CHD7: variants seen among roughly 807,000 people sequenced by gnomAD.
The protein encoded by CHD7 is chromodomain helicase DNA binding protein 7.
In CHD7, 24 loss-of-function variants were observed where a neutral mutation model predicts 307.3. The observed-to-expected ratio is 0.08, with a 90% CI of 0.06 to 0.11. The LOEUF (loss-of-function observed/expected upper bound fraction) is 0.11, where lower values mean the gene tolerates loss of function less well. Among genes scored for constraint, CHD7 ranks in the 10% least tolerant of loss-of-function variants. CHD7 has a pLI of 1.00. For missense variants in CHD7, 3,106 were observed against 3,727.1 expected, an observed-to-expected ratio of 0.83 and a Z score of 4.34; for synonymous variants, 1,363 against 1,349.9, an observed-to-expected ratio of 1.01 and a Z score of -0.21.
At chr8:60,858,669 G>A (rs564168736) in intron 34 of CHD7, among the ~76,000 whole-genome samples, 29 of 152,272 alleles carry the variant, frequency 1.9e-4, no homozygotes, top group African/African-American at 4.3e-4. Context: ...GCACAATGGC[G>A]CAGTCTCGGC....
chr8:60,781,630 G>C (rs1481360513), intron 3 of CHD7, among the ~76,000 whole-genome samples, 200 bp downstream of exon 3: 1 of 152,068 alleles, frequency 6.6e-6, no homozygotes, highest in East Asian at 1.9e-4. Flanking sequence ...GTGAACTGTT[G>C]ATTTACAGAC....
chr8:60,738,149 A>G (rs1808800420), intron 1 of CHD7, among the ~76,000 whole-genome samples: 1 of 152,236 alleles, frequency 6.6e-6, no homozygotes, highest in Non-Finnish European at 1.5e-5. Flanking sequence ...TATGGAAGCC[A>G]CAGCCCCATA....
At chr8:60,774,262 A>T (rs1810846177) in intron 2 of CHD7, among the ~76,000 whole-genome samples, 1 of 152,188 alleles carries the variant, frequency 6.6e-6, no homozygotes, top group African/African-American at 2.4e-5. Context: ...GGGTAAATTA[A>T]TCTTAAGGTT....
At chr8:60,700,184 A>G (rs1262192030) in intron 1 of CHD7, among the ~76,000 whole-genome samples, 2 of 152,130 alleles carry the variant, frequency 1.3e-5, no homozygotes, top group Non-Finnish European at 2.9e-5. Flanking sequence ...AAACAACCAA[A>G]TTTTAGAAGA....
intron 15 of CHD7, among the ~76,000 whole-genome samples, chr8:60,834,461 G>T (rs536420679): frequency 1.3e-5 from 2 of 152,172 alleles, no homozygotes; most frequent in East Asian, 3.9e-4. Flanking sequence ...TCTCTTGAGG[G>T]GCTTGTCCTG....
chr8:60,864,751 A>AATGTAC, intron 37 of CHD7: 1 of 459,310 alleles, frequency 2.2e-6, no homozygotes, highest in South Asian at 2.7e-5. Flanking sequence ...CTGATGTATG[A>AATGTAC]TTTCTTGAGT....
rs893875066 is a variant in CHD7, at chr8:60,860,964, A to G, written c.7669A>G (p.Ile2557Val). 1 of 1,614,048 alleles carries G rather than the reference A, an allele frequency of 6.2e-7. No individual in the cohort carries two copies. The highest frequency in any genetic ancestry group is 1.1e-5 in the South Asian group (1 of 91,092). ...EDIETPPTRN[I>V]PSPGQLDPDT... ...TATAGAGACCCCACCAACAAGAAAC[A>G]TTCCTTCTCCCGGACAGCTGGACCC... The change falls in exon 35 of 38, where the codon ATT (isoleucine) becomes GTT (valine). Residue 2557 changes from isoleucine to valine, a missense_variant. Ile to Val is a conservative substitution (Grantham distance 29). Coordinates refer to ENST00000423902, the MANE Select transcript of CHD7 (RefSeq NM_017780.4).
At chr8:60,831,571 A>G (rs144294691) in intron 15 of CHD7, among the ~76,000 whole-genome samples, 2 of 152,096 alleles carry the variant, frequency 1.3e-5, no homozygotes, top group African/African-American at 4.8e-5. Context: ...TGAGCTGAGC[A>G]TTGATTAGAA....
chr8:60,702,590 G>A (rs879547503), intron 1 of CHD7, among the ~76,000 whole-genome samples: 7 of 152,170 alleles, frequency 4.6e-5, no homozygotes, highest in Admixed American at 1.3e-4. Context: ...ACTTAAAAAC[G>A]AAATCTCTTA....
intron 1 of CHD7, among the ~76,000 whole-genome samples, chr8:60,714,152 A>G (rs531158471): frequency 1.3e-5 from 2 of 151,958 alleles, no homozygotes; most frequent in African/African-American, 2.4e-5. Context: ...AGCCCGCGCG[A>G]GGACATGAGG....
intron 2 of CHD7, among the ~76,000 whole-genome samples, chr8:60,746,117 T>A (rs1173916837): frequency 6.6e-6 from 1 of 152,238 alleles, no homozygotes; most frequent in Non-Finnish European, 1.5e-5. Flanking sequence ...CACTGCAACC[T>A]CTGCCTCCCA....
intron 2 of CHD7, among the ~76,000 whole-genome samples, chr8:60,752,412 A>G (rs1261017821): frequency 6.6e-6 from 1 of 152,204 alleles, no homozygotes; most frequent in Non-Finnish European, 1.5e-5. Context: ...CAATATTAGC[A>G]TAGGAATTCC....
chr8:60,708,077 G>A (rs918605073), intron 1 of CHD7, among the ~76,000 whole-genome samples: 8 of 152,190 alleles, frequency 5.3e-5, no homozygotes, highest in Non-Finnish European at 1.0e-4. Context: ...GAAGGGTGGT[G>A]CGTAAAGCAG....
At chr8:60,840,661 A>G (rs1341581632) in intron 19 of CHD7, among the ~76,000 whole-genome samples, 3 of 149,212 alleles carry the variant, frequency 2.0e-5, no homozygotes, top group Non-Finnish European at 4.4e-5. Context: ...TCTGTTGCCC[A>G]GGTTGGAGTG....
At chr8:60,760,306 CTG>C (rs989026317) in intron 2 of CHD7, among the ~76,000 whole-genome samples, 4 of 151,506 alleles carry the variant, frequency 2.6e-5, no homozygotes, top group African/African-American at 9.7e-5. Flanking sequence ...AAAGCTGAAA[CTG>C]GATCCCTTCC....
intron 8 of CHD7, among the ~76,000 whole-genome samples, chr8:60,819,725 T>C (rs1306824085): frequency 1.3e-5 from 2 of 152,230 alleles, no homozygotes; most frequent in Non-Finnish European, 1.5e-5. Flanking sequence ...CATTAGTGAA[T>C]TGTAATTTCA....
intron 2 of CHD7, among the ~76,000 whole-genome samples, chr8:60,743,455 A>G (rs1029885029): frequency 6.6e-6 from 1 of 152,190 alleles, no homozygotes; most frequent in African/African-American, 2.4e-5. Context: ...GTGTGTTTTA[A>G]AAATACACTG....
intron 13 of CHD7, among the ~76,000 whole-genome samples, chr8:60,825,653 C>A (rs1180721296): frequency 6.6e-6 from 1 of 152,202 alleles, no homozygotes; most frequent in African/African-American, 2.4e-5. Flanking sequence ...TCATAGTTTT[C>A]TACTAAGAGA....
intron 1 of CHD7, among the ~76,000 whole-genome samples, chr8:60,697,554 C>T (rs942148119): frequency 1.3e-5 from 2 of 152,132 alleles, no homozygotes; most frequent in African/African-American, 4.8e-5. Flanking sequence ...AGAATATATG[C>T]AACTTCATTT....
Sources: allele counts gnomAD v4.1 joint callset (sites outside exome capture counted in the v4.1 genomes callset), GRCh38; gene constraint gnomAD v4.1.1; transcripts MANE v1.5; gene names NCBI Gene and HGNC (gene_info 2026-07-23, HGNC 2026-07-21).